COL4A4: variants seen among roughly 807,000 people sequenced by gnomAD.
The protein encoded by COL4A4 is collagen type IV alpha 4 chain, also known as collagen alpha-4(IV) chain.
In COL4A4, 105 loss-of-function variants were observed where a neutral mutation model predicts 192.9. The observed-to-expected ratio is 0.54, with a 90% confidence interval of 0.46 to 0.64. COL4A4 has a LOEUF of 0.64. COL4A4 is among the 30% of genes least tolerant of loss of function. The pLI is 0.00. For synonymous variants in COL4A4, 762 were observed against 769.9 expected (o/e 0.99, Z 0.17); for missense variants, 1,967 against 2,169.3 (o/e 0.91, Z 1.85).
At position 227,059,361 on chromosome 2, in the gene COL4A4, C is replaced by T. The variant is rs558733949; in HGVS notation, c.2383+44G>A. 8 of 1,535,664 alleles carry T rather than the reference C, an allele frequency of 5.2e-6. No individual in the cohort carries two copies. The Admixed American group carries it at 1.3e-4, about 26-fold the overall frequency. On this transcript the variant is annotated intron_variant, in intron 28 of 47. Coordinates refer to ENST00000396625, the MANE Select transcript of COL4A4 (RefSeq NM_000092.5). ...CGTTCTTCAGTGACCTGTTCCAAAA[C>T]TGAGCCAGCTCTATGCACCAAAAGG... is the stretch of plus-strand genomic sequence containing the variant.
chr2:227,041,894 G>GAA (rs1356615049), intron 37 of COL4A4, among the ~76,000 whole-genome samples: 3 of 148,992 alleles, frequency 2.0e-5, no homozygotes, highest in Non-Finnish European at 4.4e-5. Flanking sequence ...AAGAAAGAAA[G>GAA]AAAGAAAGAA....
At chr2:227,060,108 A>AAAAAAAC in intron 27 of COL4A4, 28 bp downstream of exon 27, 1 of 1,105,096 alleles carries the variant, frequency 9.0e-7, no homozygotes. Context: ...GCAGAAAAAA[A>AAAAAAAC]AAAAAAAAAA....
At chr2:226,995,647 C>A in the COL4A4 span, 7 of 706,888 alleles carry the variant, frequency 9.9e-6, no homozygotes, top group Admixed American at 2.3e-5. Flanking sequence ...TGCTCCAGAT[C>A]GCTCACATCA....
rs779653241 is a variant in COL4A4, at chr2:227,042,246, C to T, written c.3407G>A (p.Gly1136Glu). 1.9e-6 allele frequency: 3 copies of T among 1,609,360 alleles called. No individual in the cohort carries two copies. Among genetic ancestry groups the T allele is most frequent in the Admixed American group, 3.3e-5 (2 of 59,988 alleles). The change falls in exon 37 of 48, where the codon GGG becomes GAG. Residue 1136 changes from glycine to glutamate, a missense_variant. Transcript: ENST00000396625. Reference sequence around the variant, plus strand: ...TGGCTGTCCCCTCAGCCCAGGCATCCCGTGATCACCTGAGGATGACAGGGA... The same window carrying T: ...TGGCTGTCCCCTCAGCCCAGGCATCTCGTGATCACCTGAGGATGACAGGGA... ...SGPPGCPGDH[G>E]MPGLRGQPGE...
At position 227,010,396 on chromosome 2, in the gene COL4A4, CA is replaced by C; in HGVS notation, c.4438del (p.Cys1480AlafsTer72). On this transcript the variant is annotated frameshift_variant, in exon 46 of 48. Transcript: ENST00000396625. LOFTEE classifies it high-confidence loss of function. ...CCAGAGCCTGGGCATGCCCAGGGGG[CA>C]GGTGGGCTCCTGGTCCGTCTGACTG... ...LHSQTDQEPT[C>X]PLGMPRLWTG... The C allele has an allele frequency of 6.2e-7, 1 of 1,614,172 alleles. No homozygotes were observed. Among genetic ancestry groups the C allele is most frequent in the Non-Finnish European group, 8.5e-7 (1 of 1,180,000 alleles).
In COL4A4 at chr2:227,121,138, C is replaced by T; in HGVS notation, c.203G>A (p.Gly68Glu). ...AATTGGACCCTGTGGCCCTGGTGGTCCTGGTGGACCCTGAGAAGGAAGATT... is the reference window on the plus strand; with the variant it reads ...AATTGGACCCTGTGGCCCTGGTGGTTCTGGTGGACCCTGAGAAGGAAGATT... ...VPEKGSRGPP[G>E]PPGPQGPIGP... Residue 68 changes from glycine to glutamate, a missense_variant, in exon 5 of 48, where the codon GGA becomes GAA. Coordinates refer to ENST00000396625, the MANE Select transcript of COL4A4 (RefSeq NM_000092.5). 1.9e-6 allele frequency: 3 copies of T among 1,613,976 alleles called. No homozygotes were observed. The highest frequency in any genetic ancestry group is 2.2e-5 in the South Asian group (2 of 91,066).
Position 227,109,036 on chromosome 2 carries a change from A to G in COL4A4, c.658-168T>C, listed in dbSNP as rs1409477294. On this transcript the variant is annotated intron_variant, in intron 10 of 47. Transcript: ENST00000396625. ...GGCTGTTTTCTGTGAAGATGATGTC[A>G]GTGGCTCATCCGCAGGGACCTGTGC... 3.4e-6 allele frequency: 3 copies of G among 889,424 alleles called. No homozygotes were observed. In the East Asian group the frequency reaches 7.2e-5, roughly 21 times the overall value. 55.1% of individuals were successfully genotyped at this position (889,424 alleles called of 1,614,324 possible).
chr2:226,971,747 T>A, the COL4A4 span, among the ~76,000 whole-genome samples: 3 of 152,310 alleles, frequency 2.0e-5, no homozygotes, highest in South Asian at 6.2e-4. Context: ...ATACTGGACA[T>A]TTGCTCTAAG....
At chr2:226,996,684 T>C in the COL4A4 span, 1 of 152,222 alleles carries the variant, frequency 6.6e-6, no homozygotes, top group Non-Finnish European at 1.5e-5. Flanking sequence ...GAAAGAAATA[T>C]ACCCAAATCT....
chr2:226,993,241 CTG>C, the COL4A4 span, among the ~76,000 whole-genome samples: 16 of 152,226 alleles, frequency 1.1e-4, no homozygotes, highest in South Asian at 2.1e-4. Context: ...CCAGAGGACT[CTG>C]TGTTTCCCTC....
the COL4A4 span, among the ~76,000 whole-genome samples, chr2:226,974,830 T>C: frequency 6.6e-6 from 1 of 152,144 alleles, no homozygotes; most frequent in Non-Finnish European, 1.5e-5. Context: ...CATCGTATAA[T>C]TGGAGATCAC....
downstream of COL4A4, chr2:226,998,438 T>C (rs1467721359): frequency 6.6e-6 from 1 of 152,226 alleles, no homozygotes; most frequent in Non-Finnish European, 1.5e-5. Context: ...CTGGCAGACC[T>C]GGCCTCCTTG....
the COL4A4 span, among the ~76,000 whole-genome samples, chr2:226,986,158 A>G: frequency 6.6e-6 from 1 of 152,246 alleles, no homozygotes; most frequent in African/African-American, 2.4e-5. Flanking sequence ...TCTGTCTGCT[A>G]CCACTCAAGA....
At chr2:227,118,552 G>A (rs2061609055) in intron 7 of COL4A4, 93 bp downstream of exon 7, 2 of 978,716 alleles carry the variant, frequency 2.0e-6, no homozygotes, top group Admixed American at 3.4e-5. Flanking sequence ...AGGCACACTT[G>A]TATTAACTCT....
At chr2:227,030,847 T>A (rs1186069151) in intron 40 of COL4A4, among the ~76,000 whole-genome samples, 1 of 152,226 alleles carries the variant, frequency 6.6e-6, no homozygotes, top group Admixed American at 6.5e-5. Flanking sequence ...CTTCCTTCCC[T>A]TCAAAGTCAT....
Position 227,088,644 on chromosome 2 carries a change from G to GGTAC in COL4A4, c.1623+5_1623+8dup. Reference sequence around the variant, plus strand: ...TTAACTGGAAAGATGACTGGTAAGAGGTACTCACTGGTAGCCCTGGAGGTC... The same window carrying GGTAC: ...TTAACTGGAAAGATGACTGGTAAGAGGTACGTACTCACTGGTAGCCCTGGAGGTC... On this transcript the variant is annotated intron_variant, in intron 22 of 47. Transcript: ENST00000396625. 2 of 1,614,068 alleles carry GGTAC rather than the reference G, an allele frequency of 1.2e-6. No individual in the cohort carries two copies. The highest frequency in any genetic ancestry group is 1.7e-6 in the Non-Finnish European group (2 of 1,179,966).
rs1162767245 is a variant in COL4A4, at chr2:227,098,738, G to A, written c.1160C>T (p.Pro387Leu). The change falls in exon 19 of 48, where the codon CCT becomes CTT. Residue 387 changes from proline to leucine, a missense_variant. Coordinates refer to ENST00000396625, the MANE Select transcript of COL4A4 (RefSeq NM_000092.5). ...RYGETGDVGP[P>L]GPPGLLGRPG... The stretch of plus-strand genomic sequence containing the variant: ...TCTGCCCAAGAGACCTGGGGGACCA[G>A]GTGGTCCAACATCCCCTGTTTCTCC... 1 of 1,614,044 alleles carries A rather than the reference G, an allele frequency of 6.2e-7. No individual in the cohort carries two copies. Among genetic ancestry groups the A allele is most frequent in the African/African-American group, 1.3e-5 (1 of 74,946 alleles).
chr2:227,109,737 C>T (rs1328658176), intron 9 of COL4A4, among the ~76,000 whole-genome samples: 1 of 149,388 alleles, frequency 6.7e-6, no homozygotes, highest in African/African-American at 2.5e-5. Context: ...AAGAGCAAGA[C>T]TCTGTCTCAA....
At chr2:226,982,913 G>T in the COL4A4 span, among the ~76,000 whole-genome samples, 1 of 152,104 alleles carries the variant, frequency 6.6e-6, no homozygotes, top group Non-Finnish European at 1.5e-5. Flanking sequence ...ACTAACGATT[G>T]TATTTGTTGT....
Sources: allele counts gnomAD v4.1 joint callset (sites outside exome capture counted in the v4.1 genomes callset), GRCh38; gene constraint gnomAD v4.1.1; transcripts MANE v1.5; gene names NCBI Gene and HGNC (gene_info 2026-07-23, HGNC 2026-07-21).